The following DYM variants were observed in gnomAD, a reference collection of about 807,000 sequenced individuals.
DYM encodes the protein dymeclin, also known as dyggve-Melchior-Clausen syndrome protein.
DYM carries 78 observed loss-of-function variants against 93.1 expected under a neutral mutation model. The observed-to-expected ratio is 0.84, with a 90% CI of 0.70 to 1.01. DYM has a LOEUF of 1.01. DYM is among the 50% of genes least tolerant of loss of function. The pLI, the probability that DYM is intolerant of heterozygous loss-of-function variation, is 0.00. For missense variants in DYM, 789 were observed against 845.0 expected (o/e 0.93, Z 0.82); for synonymous variants, 321 against 319.7 (o/e 1.00, Z -0.04).
chr18:49,224,662 G>T (rs2156249), intron 13 of DYM, among the ~76,000 whole-genome samples: 293 of 152,020 alleles, frequency 1.9e-3, no homozygotes, highest in African/African-American at 6.8e-3. Context: ...AGAAAAAACT[G>T]CCCTCTTTGG....
intron 17 of DYM, among the ~76,000 whole-genome samples, chr18:49,052,063 A>T (rs1324794239): frequency 1.3e-5 from 2 of 152,164 alleles, no homozygotes; most frequent in Non-Finnish European, 2.9e-5. Flanking sequence ...GGGTAATCGC[A>T]CTCTGTTTGT....
intron 17 of DYM, among the ~76,000 whole-genome samples, chr18:49,095,475 C>G (rs1460971721): frequency 7.0e-6 from 1 of 143,720 alleles, no homozygotes; most frequent in East Asian, 2.1e-4. Context: ...TGTTTTTAAA[C>G]TGAATCATCC....
At chr18:49,123,643 A>C (rs2082566890) in intron 15 of DYM, among the ~76,000 whole-genome samples, 1 of 152,170 alleles carries the variant, frequency 6.6e-6, no homozygotes, top group Non-Finnish European at 1.5e-5. Context: ...TCCATCAAGA[A>C]ATAGCTGTCT....
chr18:49,213,336 G>C (rs2092878650), intron 13 of DYM, among the ~76,000 whole-genome samples: 1 of 126,268 alleles, frequency 7.9e-6, no homozygotes, highest in African/African-American at 3.1e-5. Context: ...TTGCCCTGTT[G>C]CCTAGACTGG....
intron 17 of DYM, among the ~76,000 whole-genome samples, chr18:49,088,940 C>T (rs2078803636): frequency 6.6e-6 from 1 of 152,042 alleles, no homozygotes; most frequent in African/African-American, 2.4e-5. Flanking sequence ...TACAGGTGTG[C>T]ACCACCACAC....
At chr18:49,175,763 C>A (rs1202473322) in intron 14 of DYM, among the ~76,000 whole-genome samples, 1 of 152,140 alleles carries the variant, frequency 6.6e-6, no homozygotes, top group Non-Finnish European at 1.5e-5. Context: ...TCTAGTAGAA[C>A]CTACTGCTCC....
intron 13 of DYM, among the ~76,000 whole-genome samples, chr18:49,216,755 C>T (rs896927552): frequency 5.9e-5 from 9 of 152,138 alleles, no homozygotes; most frequent in Non-Finnish European, 8.8e-5. Context: ...CCCATCTGTA[C>T]ATCACCATCA....
chr18:49,201,313 A>G (rs1324810806), intron 14 of DYM, among the ~76,000 whole-genome samples: 1 of 152,148 alleles, frequency 6.6e-6, no homozygotes, highest in African/African-American at 2.4e-5. Context: ...TCATACTTCA[A>G]TTCCTTTTTT....
intron 17 of DYM, among the ~76,000 whole-genome samples, chr18:49,064,000 G>GA (rs2076200473): frequency 6.6e-6 from 1 of 151,954 alleles, no homozygotes; most frequent in Admixed American, 6.6e-5. Context: ...TAGACATTGG[G>GA]AAAAAATCTG....
intron 17 of DYM, among the ~76,000 whole-genome samples, chr18:49,052,315 T>C (rs548085031): frequency 1.3e-5 from 2 of 152,346 alleles, no homozygotes; most frequent in East Asian, 3.9e-4. Flanking sequence ...TCTACCTCCC[T>C]ATAGAGAAAG....
chr18:49,405,041 A>G (rs942131208), intron 2 of DYM, among the ~76,000 whole-genome samples: 1 of 151,524 alleles, frequency 6.6e-6, no homozygotes, highest in African/African-American at 2.4e-5. Flanking sequence ...AAAGAAAAAG[A>G]AGGAAAAGAA....
chr18:49,209,739 A>C (rs2092692942), intron 13 of DYM, 24 bp from the exon 14 acceptor site: 1 of 1,209,784 alleles, frequency 8.3e-7, no homozygotes, highest in African/African-American at 1.6e-5. Flanking sequence ...GTAAAAGGAG[A>C]GAAACAGAAA....
intron 8 of DYM, among the ~76,000 whole-genome samples, chr18:49,310,196 T>C (rs2061507158): frequency 6.6e-6 from 1 of 152,228 alleles, no homozygotes; most frequent in South Asian, 2.1e-4. Context: ...TTTATTATTT[T>C]AATGGATTTA....
At chr18:49,105,168 C>T (rs1342349549) in intron 16 of DYM, among the ~76,000 whole-genome samples, 1 of 152,196 alleles carries the variant, frequency 6.6e-6, no homozygotes, top group Non-Finnish European at 1.5e-5. Context: ...TTATCCATTT[C>T]TTCTAGATTT....
intron 6 of DYM, among the ~76,000 whole-genome samples, chr18:49,354,936 G>A (rs1278900615): frequency 6.6e-6 from 1 of 151,752 alleles, no homozygotes; most frequent in Non-Finnish European, 1.5e-5. Flanking sequence ...ATATGACAAT[G>A]ATAGATACAT....
At chr18:49,093,506 G>C (rs1374545094) in intron 17 of DYM, among the ~76,000 whole-genome samples, 1 of 152,190 alleles carries the variant, frequency 6.6e-6, no homozygotes, top group Non-Finnish European at 1.5e-5. Flanking sequence ...GACTGTGGGA[G>C]AAATGTGGAG....
At chr18:49,214,092 G>A (rs909862734) in intron 13 of DYM, among the ~76,000 whole-genome samples, 1 of 152,106 alleles carries the variant, frequency 6.6e-6, no homozygotes, top group Non-Finnish European at 1.5e-5. Flanking sequence ...GTACCAACAC[G>A]AAATGCTTGG....
intron 13 of DYM, among the ~76,000 whole-genome samples, chr18:49,241,186 C>T (rs1446339221): frequency 6.6e-6 from 1 of 152,220 alleles, no homozygotes. Context: ...CAAGACTGCA[C>T]AGAAACTTTA....
intron 13 of DYM, among the ~76,000 whole-genome samples, chr18:49,242,373 C>G (rs529582966): frequency 6.6e-6 from 1 of 152,164 alleles, no homozygotes; most frequent in East Asian, 1.9e-4. Context: ...GGAAGTGCCA[C>G]TACACTCCAG....
Sources: gnomAD v4.1 joint callset for allele counts (sites outside exome capture counted in the v4.1 genomes callset) on GRCh38, gnomAD v4.1.1 for gene constraint, MANE v1.5 for transcripts, NCBI Gene and HGNC (gene_info 2026-07-23, HGNC 2026-07-21) for gene names.